SPESP1: variants seen among roughly 807,000 people sequenced by gnomAD.
SPESP1 encodes sperm equatorial segment protein 1.
SPESP1 carries 1 observed loss-of-function variant against 3.1 expected under a neutral mutation model. The observed-to-expected ratio is 0.33, with a 90% confidence interval of 0.12 to 1.54. The LOEUF is 1.54. Ranked by LOEUF, SPESP1 falls within the 40% of genes most tolerant of loss-of-function variation. The probability of loss-of-function intolerance (pLI) is 0.38; values close to 1 mark genes in which losing one functional copy is unlikely to be tolerated. For synonymous variants in SPESP1, 138 were observed against 150.7 expected, an observed-to-expected ratio of 0.92 and a Z score of 0.62; for missense variants, 398 against 410.1, an observed-to-expected ratio of 0.97 and a Z score of 0.26.
chr15:68,946,397 G>C lies in SPESP1; in HGVS notation c.863G>C (p.Arg288Pro), dbSNP rs142183563. Reference protein sequence around the residue: ...MYKSQLLPVGRTSNKIDDIET... With the variant: ...MYKSQLLPVGPTSNKIDDIET... Reference sequence around the variant, plus strand: ...AAGTCCCAGTTATTGCCAGTAGGACGAACAAGTAATAAAATTGATGACATC... The same window carrying C: ...AAGTCCCAGTTATTGCCAGTAGGACCAACAAGTAATAAAATTGATGACATC... Residue 288 changes from arginine to proline, a missense_variant, in exon 2 of 2, where the codon CGA (arginine) becomes CCA (proline). Transcript: ENST00000310673. The C allele has an allele frequency of 3.7e-6, 6 of 1,613,958 alleles. No homozygotes were observed. The African/African-American group carries it at 6.7e-5, about 18-fold the overall frequency.
chr15:68,941,344 G>A (rs1052281112), intron 1 of SPESP1, among the ~76,000 whole-genome samples: 1 of 152,026 alleles, frequency 6.6e-6, no homozygotes, highest in Non-Finnish European at 1.5e-5. Context: ...TTAGTTTACT[G>A]TAGCTCCTAT....
At chr15:68,944,877 G>A (rs546089600) in intron 1 of SPESP1, among the ~76,000 whole-genome samples, 86 of 152,140 alleles carry the variant, frequency 5.7e-4, no homozygotes, top group Admixed American at 1.0e-3. Context: ...ATTTAAAACT[G>A]GCTTTTCGGA....
Position 68,930,625 on chromosome 15 carries a change from C to T in SPESP1, c.-29C>T, listed in dbSNP as rs1018530406. 6 of 1,613,314 alleles carry T rather than the reference C, an allele frequency of 3.7e-6. No homozygotes were observed. Among genetic ancestry groups the T allele is most frequent in the East Asian group, 2.2e-5 (1 of 44,830 alleles). On this transcript the variant is annotated 5_prime_UTR_variant, in exon 1 of 2. Transcript: ENST00000310673. ...CCTGGTGGCCCCAGGACGTTCCGGTCGCATGGCAGAGTGCTACGGACGACG... is the reference window on the plus strand; with the variant it reads ...CCTGGTGGCCCCAGGACGTTCCGGTTGCATGGCAGAGTGCTACGGACGACG...
In SPESP1 at chr15:68,945,613, C is replaced by T. The variant is rs1182077454; in HGVS notation, c.79C>T (p.Pro27Ser). The T allele has an allele frequency of 1.3e-6, 2 of 1,573,132 alleles. No homozygotes were observed. The highest frequency in any genetic ancestry group is 1.4e-5 in the African/African-American group (1 of 72,820). Residue 27 changes from proline (P) to serine (S), a missense_variant, in exon 2 of 2, where the codon CCT (proline) becomes TCT (serine). Transcript: ENST00000310673. ...TTTCCCTGAAGGCATAACTGTGACA[C>T]CTGATGAAGAGCAAAACTTGAATCA... is the stretch of plus-strand genomic sequence containing the variant. The part of the protein sequence containing the change: ...VPAYPSITVT[P>S]DEEQNLNHYI...
rs775342239 is a variant in SPESP1 at position 68,946,057 on chromosome 15, A to T, written c.523A>T (p.Thr175Ser). 3.3e-5 allele frequency: 53 copies of T among 1,614,076 alleles called. No homozygotes were observed. The highest frequency in any genetic ancestry group is 3.7e-5 in the Non-Finnish European group (44 of 1,180,032). The change falls in exon 2 of 2, where the codon ACC (threonine) becomes TCC (serine). Residue 175 changes from threonine to serine, a missense_variant. Transcript: ENST00000310673. Reference protein sequence around the residue: ...VTESSTSPYVTSYKSPVTTLD... With the variant: ...VTESSTSPYVSSYKSPVTTLD... The stretch of plus-strand genomic sequence containing the variant: ...TGAATCATCTACAAGTCCATATGTT[A>T]CCTCATACAAGTCACCTGTCACCAC...
chr15:68,946,557 G>A lies in SPESP1; in HGVS notation c.1023G>A (p.Arg341=), dbSNP rs1895974368. ...CATTAAAAAATATGTGTAGATCAAG[G>A]AGAGTCACAGCCTTATTAAAAGTTT... The part of the protein sequence containing the change: ...FNTLKNMCRS[R]RVTALLKVY Residue 341 remains arginine, a synonymous_variant, in exon 2 of 2, where the codon AGG becomes AGA. Coordinates refer to ENST00000310673, the MANE Select transcript of SPESP1 (RefSeq NM_145658.4). 1.3e-6 allele frequency: 2 copies of A among 1,552,056 alleles called. No individual in the cohort carries two copies.
chr15:68,941,061 A>C (rs1226577504), intron 1 of SPESP1, among the ~76,000 whole-genome samples: 12 of 151,980 alleles, frequency 7.9e-5, no homozygotes. Context: ...GAGGCTTTAT[A>C]ATATATTTAA....
At chr15:68,941,198 T>G (rs1414521291) in intron 1 of SPESP1, among the ~76,000 whole-genome samples, 1 of 152,198 alleles carries the variant, frequency 6.6e-6, no homozygotes. Context: ...TAGAAACATA[T>G]TAAATGTATA....
In SPESP1 at chr15:68,946,622, T is replaced by G; in HGVS notation, c.*35T>G. Reference sequence around the variant, plus strand: ...TAAAAATTTTAAACCTACTTGATATTCCATAACAAAGCTGATTTAAGCAAA... The same window carrying G: ...TAAAAATTTTAAACCTACTTGATATGCCATAACAAAGCTGATTTAAGCAAA... On this transcript the variant is annotated 3_prime_UTR_variant, in exon 2 of 2. Transcript: ENST00000310673. 2 of 1,400,274 alleles carry G rather than the reference T, an allele frequency of 1.4e-6. No homozygotes were observed. The highest frequency in any genetic ancestry group is 1.9e-6 in the Non-Finnish European group (2 of 1,080,030). 86.7% of individuals were successfully genotyped at this position (1,400,274 alleles called of 1,614,324 possible). A position where few individuals can be genotyped will look rare whatever the true frequency, so the allele number is the denominator to read the frequency against.
At chr15:68,942,130 T>A (rs758744788) in intron 1 of SPESP1, among the ~76,000 whole-genome samples, 3 of 152,096 alleles carry the variant, frequency 2.0e-5, no homozygotes, top group Non-Finnish European at 4.4e-5. Context: ...AGCCAATATT[T>A]TGTTTCATTT....
At chr15:68,941,176 A>T (rs972297075) in intron 1 of SPESP1, among the ~76,000 whole-genome samples, 9 of 152,150 alleles carry the variant, frequency 5.9e-5, no homozygotes, top group African/African-American at 2.2e-4. Context: ...TCCAGAAAAA[A>T]ATTGACATTT....
At chr15:68,936,984 G>A (rs1394471831) in intron 1 of SPESP1, among the ~76,000 whole-genome samples, 1 of 152,002 alleles carries the variant, frequency 6.6e-6, no homozygotes, top group East Asian at 1.9e-4. Flanking sequence ...ATAAAAAACT[G>A]CTTACTTTGC....
chr15:68,931,949 GTTAAAAATCAAA>G (rs1895554173), intron 1 of SPESP1, among the ~76,000 whole-genome samples: 1 of 152,142 alleles, frequency 6.6e-6, no homozygotes, highest in African/African-American at 2.4e-5. Context: ...AACGATCTTA[GTTAAAAATCAAA>G]TTTAAAAACT....
chr15:68,931,573 A>G (rs531657669), intron 1 of SPESP1, among the ~76,000 whole-genome samples: 13 of 152,140 alleles, frequency 8.5e-5, no homozygotes, highest in South Asian at 6.2e-4. Flanking sequence ...TGGGACACTC[A>G]CCTGAGGATG....
chr15:68,930,638 G>A lies in SPESP1; in HGVS notation c.-16G>A, dbSNP rs1312859191. 1.2e-6 allele frequency: 2 copies of A among 1,613,712 alleles called. No individual in the cohort carries two copies. The highest frequency in any genetic ancestry group is 2.7e-5 in the African/African-American group (2 of 74,948). On this transcript the variant is annotated 5_prime_UTR_variant, in exon 1 of 2. Coordinates refer to ENST00000310673, the MANE Select transcript of SPESP1 (RefSeq NM_145658.4). The stretch of plus-strand genomic sequence containing the variant: ...GGACGTTCCGGTCGCATGGCAGAGT[G>A]CTACGGACGACGCCTATGAAGCCCT...
At chr15:68,934,813 C>T (rs1255118389) in intron 1 of SPESP1, among the ~76,000 whole-genome samples, 1 of 151,536 alleles carries the variant, frequency 6.6e-6, no homozygotes. Flanking sequence ...TAAAAACACA[C>T]AATTTATTTA....
rs74020552 is a variant in SPESP1, at chr15:68,935,438, C to T, written c.64+4721C>T. On this transcript the variant is annotated intron_variant, in intron 1 of 1. Transcript: ENST00000310673. ...AACATCCCAGATGGCCTCTCATCCTCCAGGGTCTTTACATGACTTCTCATC... is the reference window on the plus strand; with the variant it reads ...AACATCCCAGATGGCCTCTCATCCTTCAGGGTCTTTACATGACTTCTCATC... Among the ~76,000 whole-genome samples the T allele has an allele frequency of 8.7e-3, 1,326 of 152,330 alleles. 20 individuals are homozygous for T. The highest frequency in any genetic ancestry group is 0.03 in the African/African-American group (1,259 of 41,564).
intron 1 of SPESP1, among the ~76,000 whole-genome samples, chr15:68,933,391 T>C (rs1231183453): frequency 3.3e-5 from 5 of 152,214 alleles, no homozygotes; most frequent in Non-Finnish European, 7.3e-5. Flanking sequence ...AACGTTTTAC[T>C]ATATAAAATT....
At chr15:68,934,922 T>C (rs757896447) in intron 1 of SPESP1, among the ~76,000 whole-genome samples, 1 of 152,184 alleles carries the variant, frequency 6.6e-6, no homozygotes, top group Non-Finnish European at 1.5e-5. Flanking sequence ...GGATCCCATA[T>C]ATTTTTAAAG....
Sources: allele counts gnomAD v4.1 joint callset (sites outside exome capture counted in the v4.1 genomes callset), GRCh38; gene constraint gnomAD v4.1.1; transcripts MANE v1.5; gene names NCBI Gene and HGNC (gene_info 2026-07-23, HGNC 2026-07-21).